Variants in GAREM1 observed in about 807,000 individuals in gnomAD.
GAREM1 encodes the protein GRB2-associated and regulator of MAPK protein 1.
GAREM1 carries 26 observed loss-of-function variants against 71.3 expected under a neutral mutation model. The ratio of observed to expected loss-of-function variants is 0.36; its 90% CI spans 0.27 to 0.51. The LOEUF (loss-of-function observed/expected upper bound fraction) is 0.51, where lower values mean the gene tolerates loss of function less well. Among genes scored for constraint, GAREM1 ranks in the 20% least tolerant of loss-of-function variants. The probability of loss-of-function intolerance (pLI) is 0.95; values close to 1 mark genes in which losing one functional copy is unlikely to be tolerated. For synonymous variants in GAREM1, 440 were observed against 433.2 expected, an observed-to-expected ratio of 1.02 and a Z score of -0.20; for missense variants, 1,026 against 1,103.1, an observed-to-expected ratio of 0.93 and a Z score of 0.99.
At chr18:32,383,957 A>C (rs1478207338) in intron 2 of GAREM1, among the ~76,000 whole-genome samples, 1 of 152,238 alleles carries the variant, frequency 6.6e-6, no homozygotes, top group Non-Finnish European at 1.5e-5. Flanking sequence ...TTTATAGAGC[A>C]ATCTAGAAAA....
At chr18:32,382,453 A>G (rs1393399012) in intron 2 of GAREM1, among the ~76,000 whole-genome samples, 2 of 152,088 alleles carry the variant, frequency 1.3e-5, no homozygotes, top group African/African-American at 4.8e-5. Context: ...GGCGGGAACA[A>G]GGCAGGGCAA....
chr18:32,288,330 T>C, intron 3 of GAREM1, 127 bp from the exon 4 acceptor site: 1 of 656,554 alleles, frequency 1.5e-6, no homozygotes. Context: ...ATACTAAATT[T>C]AGACACCTCA....
intron 1 of GAREM1, among the ~76,000 whole-genome samples, chr18:32,421,114 G>A (rs980875715): frequency 6.6e-6 from 1 of 152,174 alleles, no homozygotes; most frequent in African/African-American, 2.4e-5. Context: ...AATATTTAAA[G>A]TTATACATAA....
chr18:32,420,332 C>A (rs2048507849), intron 1 of GAREM1, among the ~76,000 whole-genome samples: 1 of 151,198 alleles, frequency 6.6e-6, no homozygotes, highest in African/African-American at 2.4e-5. Flanking sequence ...GCCAAAATGA[C>A]TATATTAGGG....
chr18:32,434,219 G>T (rs1271952867), intron 1 of GAREM1, among the ~76,000 whole-genome samples: 1 of 152,164 alleles, frequency 6.6e-6, no homozygotes, highest in Non-Finnish European at 1.5e-5. Context: ...GAACCTTGTT[G>T]TGTTAGGTAT....
At chr18:32,347,763 GAC>G (rs1461714969) in intron 2 of GAREM1, among the ~76,000 whole-genome samples, 1 of 152,160 alleles carries the variant, frequency 6.6e-6, no homozygotes, top group Non-Finnish European at 1.5e-5. Flanking sequence ...GAGTTTATAA[GAC>G]AGTTCTTATC....
intron 1 of GAREM1, among the ~76,000 whole-genome samples, chr18:32,457,224 A>AGTGTGT (rs1309543369): frequency 0.018 from 1,882 of 107,132 alleles, 14 homozygotes; most frequent in African/African-American, 0.024. Flanking sequence ...AGAGAGAGAG[A>AGTGTGT]GAGTGTGTGT....
chr18:32,409,027 T>C (rs1314230305), intron 1 of GAREM1, among the ~76,000 whole-genome samples: 4 of 152,162 alleles, frequency 2.6e-5, no homozygotes, highest in Non-Finnish European at 5.9e-5. Flanking sequence ...CTATCTTTCT[T>C]TGGAGCGTAC....
rs547348755 is a variant in GAREM1, at chr18:32,457,222, A to AGT, written c.121+13085_121+13086insAC. 7.0e-4 allele frequency among the ~76,000 whole-genome samples: 59 copies of AGT among 84,250 alleles called. 1 individual carries two copies. The highest frequency in any genetic ancestry group is 1.6e-3 in the South Asian group (4 of 2,430). The allele number at this position is 84,250 out of a possible 152,430, so 55.3% of individuals were successfully genotyped here. A position where few individuals can be genotyped will look rare whatever the true frequency, so the allele number is the denominator to read the frequency against. On this transcript the variant is annotated intron_variant, in intron 1 of 5. Coordinates refer to ENST00000269209, the MANE Select transcript of GAREM1 (RefSeq NM_001242409.2). The stretch of plus-strand genomic sequence containing the variant: ...TGTAGGGGGGGAGAGAGAGAGAGAG[A>AGT]GAGAGTGTGTGTGTGTGTGTGTGTG...
rs577597305 is a variant in GAREM1, at chr18:32,319,971, T to C, written c.263-9648A>G. Among the ~76,000 whole-genome samples, 141 of 152,362 alleles carry C rather than the reference T, an allele frequency of 9.3e-4. 1 individual carries two copies. The highest frequency in any genetic ancestry group is 1.6e-3 in the Non-Finnish European group (111 of 68,032). On this transcript the variant is annotated intron_variant, in intron 2 of 5. Coordinates refer to ENST00000269209, the MANE Select transcript of GAREM1 (RefSeq NM_001242409.2). ...GCCCCAGTGATGTTGAAGTTAAATA[T>C]GCTTGTCCTGAAGGCTTTGAGTACT...
chr18:32,468,315 C>T (rs1395726583), intron 1 of GAREM1, among the ~76,000 whole-genome samples: 1 of 152,190 alleles, frequency 6.6e-6, no homozygotes, highest in African/African-American at 2.4e-5. Flanking sequence ...AGCCCATGGA[C>T]TCTTTGGCAG....
chr18:32,361,661 C>T (rs887278863), intron 2 of GAREM1, among the ~76,000 whole-genome samples: 1 of 152,176 alleles, frequency 6.6e-6, no homozygotes, highest in Non-Finnish European at 1.5e-5. Context: ...AAGATTTTGA[C>T]ATCAGTATTT....
At chr18:32,437,197 G>A (rs1015508197) in intron 1 of GAREM1, among the ~76,000 whole-genome samples, 9 of 152,148 alleles carry the variant, frequency 5.9e-5, no homozygotes, top group Admixed American at 3.3e-4. Flanking sequence ...GCCAGGAGAC[G>A]TGGGCTTTAG....
chr18:32,411,584 C>G lies in GAREM1; in HGVS notation c.122-18549G>C, dbSNP rs541223407. 2.9e-4 allele frequency among the ~76,000 whole-genome samples: 44 copies of G among 151,780 alleles called. 1 individual carries two copies. Among genetic ancestry groups the G allele is most frequent in the African/African-American group, 9.9e-4 (41 of 41,378 alleles). On this transcript the variant is annotated intron_variant, in intron 1 of 5. Transcript: ENST00000269209. ...GCTTCATTCCCATCTATAATTTTAT[C>G]TGGTACCATTATTCAATTTAGATAT...
chr18:32,378,513 A>C (rs1275343753), intron 2 of GAREM1, among the ~76,000 whole-genome samples: 2 of 151,730 alleles, frequency 1.3e-5, no homozygotes, highest in Non-Finnish European at 2.9e-5. Flanking sequence ...AAAAAAAAAA[A>C]AACAAAAAGC....
At chr18:32,461,780 T>A (rs1359690031) in intron 1 of GAREM1, among the ~76,000 whole-genome samples, 1 of 152,190 alleles carries the variant, frequency 6.6e-6, no homozygotes, top group East Asian at 1.9e-4. Context: ...AAAAGTTACT[T>A]TTCCCATGGC....
chr18:32,321,033 C>T (rs2047423275), intron 2 of GAREM1, among the ~76,000 whole-genome samples: 1 of 152,180 alleles, frequency 6.6e-6, no homozygotes, highest in South Asian at 2.1e-4. Flanking sequence ...AATGGTATTA[C>T]TGCTTCAGAT....
At chr18:32,429,700 A>G (rs1456711335) in intron 1 of GAREM1, among the ~76,000 whole-genome samples, 1 of 152,198 alleles carries the variant, frequency 6.6e-6, no homozygotes, top group African/African-American at 2.4e-5. Context: ...TACCATTTTA[A>G]TCTATGCTGA....
chr18:32,419,964 A>G (rs1053486966), intron 1 of GAREM1, among the ~76,000 whole-genome samples: 1 of 152,214 alleles, frequency 6.6e-6, no homozygotes. Context: ...GCCTAAGGTG[A>G]GTGGAAGAGC....
Sources: gnomAD v4.1 joint callset for allele counts (sites outside exome capture counted in the v4.1 genomes callset) on GRCh38, gnomAD v4.1.1 for gene constraint, MANE v1.5 for transcripts, NCBI Gene and HGNC (gene_info 2026-07-23, HGNC 2026-07-21) for gene names.